RBFOX3: variants seen among roughly 807,000 people sequenced by gnomAD.
RBFOX3 encodes the protein RNA binding fox-1 homolog 3.
RBFOX3 carries 17 observed loss-of-function variants against 48.7 expected under a neutral mutation model. The ratio of observed to expected loss-of-function variants is 0.35; its 90% CI spans 0.24 to 0.52. RBFOX3 has a LOEUF of 0.52. Ranked by LOEUF, RBFOX3 falls within the 20% of genes least tolerant of loss-of-function variation. RBFOX3 has a pLI of 0.94. For missense variants in RBFOX3, 382 were observed against 497.5 expected (o/e 0.77, Z 2.21); for synonymous variants, 212 against 209.5 (o/e 1.01, Z -0.10).
chr17:79,092,436 G>C (rs2074111051), intron 14 of RBFOX3: 1 of 985,654 alleles, frequency 1.0e-6, no homozygotes. Flanking sequence ...ACTGGCTGGA[G>C]AGAAATAATC....
chr17:79,515,373 C>T (rs2085103492), intron 1 of RBFOX3, among the ~76,000 whole-genome samples: 1 of 152,160 alleles, frequency 6.6e-6, no homozygotes, highest in African/African-American at 2.4e-5. Context: ...CCATCTGACC[C>T]CCACGCAGCT....
At position 79,525,991 on chromosome 17, in the gene RBFOX3, G is replaced by A. The variant is rs912325517; in HGVS notation, c.-319-43393C>T. ...CCCCGACGGCCATTGGCTCTGCTGC[G>A]GCTCAAAGGTTTGCCTCCAGGCTGC... On this transcript the variant is annotated intron_variant, in intron 1 of 14. Transcript: ENST00000693108. Among the ~76,000 whole-genome samples the A allele has an allele frequency of 1.8e-3, 275 of 152,272 alleles. 7 individuals carry two copies. In the Middle Eastern group the frequency reaches 0.02, roughly 11 times the overall value.
At chr17:79,227,960 C>G (rs573173239) in intron 4 of RBFOX3, among the ~76,000 whole-genome samples, 1 of 152,192 alleles carries the variant, frequency 6.6e-6, no homozygotes, top group Non-Finnish European at 1.5e-5. Context: ...TGGACCTCCC[C>G]CTACGAATCC....
intron 2 of RBFOX3, among the ~76,000 whole-genome samples, chr17:79,360,410 G>T (rs576931855): frequency 1.3e-5 from 2 of 152,324 alleles, no homozygotes; most frequent in South Asian, 4.1e-4. Context: ...GCCACTGGAA[G>T]CTGCTCACCA....
chr17:79,494,052 C>T (rs1055588616), intron 1 of RBFOX3, among the ~76,000 whole-genome samples: 5 of 152,186 alleles, frequency 3.3e-5, no homozygotes, highest in African/African-American at 1.2e-4. Flanking sequence ...AGGAGGATCA[C>T]TTGAGCTGAG....
chr17:79,171,874 A>G (rs1157314021), intron 4 of RBFOX3, among the ~76,000 whole-genome samples: 1 of 151,738 alleles, frequency 6.6e-6, no homozygotes, highest in Non-Finnish European at 1.5e-5. Context: ...AAGATCCATT[A>G]GAATTACCAA....
intron 2 of RBFOX3, among the ~76,000 whole-genome samples, chr17:79,348,790 G>C (rs977979233): frequency 1.3e-5 from 2 of 151,650 alleles, no homozygotes; most frequent in African/African-American, 4.8e-5. Context: ...ATGTTGGCCA[G>C]GTTGGTCTCC....
intron 4 of RBFOX3, among the ~76,000 whole-genome samples, chr17:79,231,717 G>A (rs556286065): frequency 2.2e-4 from 34 of 152,146 alleles, no homozygotes; most frequent in Middle Eastern, 3.4e-3. Flanking sequence ...GAATGACATT[G>A]GCATAAATCT....
chr17:79,289,530 C>G (rs2072792685), intron 3 of RBFOX3, among the ~76,000 whole-genome samples: 1 of 152,234 alleles, frequency 6.6e-6, no homozygotes, highest in Non-Finnish European at 1.5e-5. Context: ...GTTTAAGCCA[C>G]AGCTTCCCCT....
intron 2 of RBFOX3, among the ~76,000 whole-genome samples, chr17:79,374,143 G>A (rs986613361): frequency 1.3e-5 from 2 of 152,214 alleles, no homozygotes; most frequent in South Asian, 2.1e-4. Context: ...GATTACAGGC[G>A]TGAGCCACCT....
chr17:79,427,962 C>A (rs1555726466), intron 2 of RBFOX3, among the ~76,000 whole-genome samples: 1 of 152,234 alleles, frequency 6.6e-6, no homozygotes, highest in East Asian at 1.9e-4. Context: ...GCTGGGCCTG[C>A]TGGTTACGGC....
intron 2 of RBFOX3, among the ~76,000 whole-genome samples, chr17:79,360,384 A>G (rs1430677101): frequency 6.6e-6 from 1 of 152,146 alleles, no homozygotes; most frequent in East Asian, 1.9e-4. Flanking sequence ...ATCAGACTGC[A>G]ATCCCGCCAA....
In RBFOX3 at chr17:79,174,264, G is replaced by A. The variant is rs144284869; in HGVS notation, c.-33-58516C>T. ...CCACACACACAGGCACACACACAAT[G>A]CACACTCACATGCACTCACATACAT... On this transcript the variant is annotated intron_variant, in intron 4 of 14. Transcript: ENST00000693108. 7.6e-3 allele frequency among the ~76,000 whole-genome samples: 1,153 copies of A among 152,080 alleles called. 44 individuals carry two copies. The highest frequency in any genetic ancestry group is 0.058 in the Admixed American group (888 of 15,278).
chr17:79,121,963 G>A (rs2035859494), intron 4 of RBFOX3, among the ~76,000 whole-genome samples: 1 of 152,132 alleles, frequency 6.6e-6, no homozygotes, highest in South Asian at 2.1e-4. Flanking sequence ...CACTTTGGGG[G>A]TTTGACGTGC....
chr17:79,517,932 T>C (rs2085490552), intron 1 of RBFOX3, among the ~76,000 whole-genome samples: 1 of 152,092 alleles, frequency 6.6e-6, no homozygotes, highest in African/African-American at 2.4e-5. Context: ...TCTGACCCGG[T>C]ATTGATCCTG....
At chr17:79,416,191 C>A (rs1163499080) in intron 2 of RBFOX3, among the ~76,000 whole-genome samples, 2 of 152,214 alleles carry the variant, frequency 1.3e-5, no homozygotes, top group African/African-American at 4.8e-5. Context: ...CCTGGGAGGG[C>A]CAAAGGACAG....
intron 4 of RBFOX3, among the ~76,000 whole-genome samples, chr17:79,188,492 A>C (rs1402846685): frequency 6.6e-6 from 1 of 152,252 alleles, no homozygotes; most frequent in Non-Finnish European, 1.5e-5. Context: ...AATTAAACAT[A>C]ATAAATACAG....
At chr17:79,660,191 A>T in the RBFOX3 span, among the ~76,000 whole-genome samples, 1 of 152,072 alleles carries the variant, frequency 6.6e-6, no homozygotes, top group Non-Finnish European at 1.5e-5. Flanking sequence ...CATCTAAAAT[A>T]AAAAAAATCA....
At chr17:79,112,224 C>T (rs938324262) in intron 5 of RBFOX3, among the ~76,000 whole-genome samples, 14 of 152,312 alleles carry the variant, frequency 9.2e-5, no homozygotes, top group Middle Eastern at 3.4e-3. Flanking sequence ...GTGCACGCTC[C>T]GCCTTCTGTG....
Sources: gnomAD v4.1 joint callset for allele counts (sites outside exome capture counted in the v4.1 genomes callset) on GRCh38, gnomAD v4.1.1 for gene constraint, MANE v1.5 for transcripts, NCBI Gene and HGNC (gene_info 2026-07-23, HGNC 2026-07-21) for gene names.